Variants in AHRR observed in about 807,000 individuals in gnomAD.
The protein encoded by AHRR is aryl hydrocarbon receptor repressor, also known as ahR repressor.
Under a neutral mutation model 44.0 loss-of-function variants are expected in AHRR, and 28 were observed. The ratio of observed to expected loss-of-function variants is 0.64; its 90% CI spans 0.47 to 0.87. AHRR has a LOEUF of 0.87. AHRR is among the 40% of genes least tolerant of loss of function. AHRR has a pLI of 0.00. For missense variants in AHRR, 990 were observed against 953.9 expected, an observed-to-expected ratio of 1.04 and a Z score of -0.50; for synonymous variants, 434 against 407.0, an observed-to-expected ratio of 1.07 and a Z score of -0.80.
Position 388,598 on chromosome 5 carries a change from G to A in AHRR, c.351+11882G>A, listed in dbSNP as rs1734267596. Among the ~76,000 whole-genome samples the A allele has an allele frequency of 6.6e-6, 1 of 152,206 alleles. No homozygotes were observed. The highest frequency in any genetic ancestry group is 1.5e-5 in the Non-Finnish European group (1 of 68,032). The stretch of plus-strand genomic sequence containing the variant: ...CCTGAGCCGAGGCTGCTTCATGCCA[G>A]GCAGCCCTGAGGGGCCGAGCCGACT... On this transcript the variant is annotated intron_variant, in intron 4 of 10. Transcript: ENST00000684583. The surrounding 1 kb of genome is among the most constrained non-coding windows in gnomAD (Gnocchi z 5.2).
At chr5:433,578 T>C (rs1232924711) in intron 10 of AHRR, among the ~76,000 whole-genome samples, 1 of 152,222 alleles carries the variant, frequency 6.6e-6, no homozygotes, top group East Asian at 1.9e-4. Context: ...ACAGCTGGCA[T>C]AGGCCTCACA....
chr5:363,197 C>T (rs1306627681), intron 3 of AHRR, among the ~76,000 whole-genome samples: 2 of 152,200 alleles, frequency 1.3e-5, no homozygotes, highest in Non-Finnish European at 2.9e-5. Flanking sequence ...TTCCAACCCT[C>T]CAGTGGGAGG....
chr5:328,732 G>T (rs1741812214), intron 1 of AHRR, among the ~76,000 whole-genome samples: 1 of 151,976 alleles, frequency 6.6e-6, no homozygotes, highest in Non-Finnish European at 1.5e-5. Flanking sequence ...GGATCACTTG[G>T]GTTTTTTTGT....
chr5:325,550 C>A (rs551419597), intron 1 of AHRR, among the ~76,000 whole-genome samples: 1 of 152,112 alleles, frequency 6.6e-6, no homozygotes, highest in Non-Finnish European at 1.5e-5. Context: ...GGGCCAGACA[C>A]GTGACCATGA....
Position 432,504 on chromosome 5 carries a change from GA to G in AHRR, c.954del (p.Lys318AsnfsTer64). ...AGTCTGTGCGAATCGGAACTGCATGGAAAACCCAATTACTCAGCAGGTACTT... is the reference window on the plus strand; with the variant it reads ...AGTCTGTGCGAATCGGAACTGCATGGAAACCCAATTACTCAGCAGGTACTT... Reference protein sequence around the residue: ...TTSLCESELHGKPNYSAGRSS... With the variant: ...TTSLCESELHXKPNYSAGRSS... On this transcript the variant is annotated frameshift_variant, in exon 9 of 11. Coordinates refer to ENST00000684583, the MANE Select transcript of AHRR (RefSeq NM_001377236.1). 6.2e-7 allele frequency: 1 copy of G among 1,614,164 alleles called. No homozygotes were observed.
chr5:402,567 G>A (rs556454113), intron 4 of AHRR, among the ~76,000 whole-genome samples: 3 of 152,312 alleles, frequency 2.0e-5, no homozygotes, highest in South Asian at 2.1e-4. Flanking sequence ...CACTGTTGGC[G>A]GGAAGGTAGA....
chr5:420,569 G>A (rs1312105860), intron 5 of AHRR, among the ~76,000 whole-genome samples: 1 of 152,244 alleles, frequency 6.6e-6, no homozygotes, highest in African/African-American at 2.4e-5. Context: ...CATGATGGAA[G>A]TTTCCAGAAG....
At chr5:389,571 AG>A (rs1343080940) in intron 4 of AHRR, among the ~76,000 whole-genome samples, 1 of 151,962 alleles carries the variant, frequency 6.6e-6, no homozygotes, top group African/African-American at 2.4e-5. Flanking sequence ...GAAAAGCTCG[AG>A]GGGCTCTTCC....
rs1742228783 is a variant in AHRR, at chr5:338,813, C to G, written c.-10-5080C>G. 6.6e-6 allele frequency among the ~76,000 whole-genome samples: 1 copy of G among 152,216 alleles called. No individual in the cohort carries two copies. On this transcript the variant is annotated intron_variant, in intron 1 of 10. Transcript: ENST00000684583. The surrounding 1 kb of genome is among the most constrained non-coding windows in gnomAD (Gnocchi z 4.1). ...TTCTTGGGTCTGTAGGTTTACAATT[C>G]TCATTACATTTGGAAAAAATTTCTG...
chr5:430,831 A>G (rs1413223279), intron 8 of AHRR, among the ~76,000 whole-genome samples: 2 of 152,252 alleles, frequency 1.3e-5, no homozygotes, highest in African/African-American at 4.8e-5. Flanking sequence ...GCTGAGGCCC[A>G]CACATCTCTG....
At position 406,048 on chromosome 5, in the gene AHRR, C is replaced by T. The variant is rs1384974290; in HGVS notation, c.352-7296C>T. On this transcript the variant is annotated intron_variant, in intron 4 of 10. Transcript: ENST00000684583. This position sits in a 1 kb window ranked among gnomAD's most constrained non-coding sequence, Gnocchi z 4.7. ...ACAGATGTATGAAACGCTCTACAGC[C>T]ACCCGAAAAAGGTAGAAATTCTGCA... Among the ~76,000 whole-genome samples, 1 of 152,090 alleles carries T rather than the reference C, an allele frequency of 6.6e-6. No individual in the cohort carries two copies. Among genetic ancestry groups the T allele is most frequent in the Non-Finnish European group, 1.5e-5 (1 of 68,014 alleles).
chr5:351,773 G>T (rs1742866547), intron 2 of AHRR, among the ~76,000 whole-genome samples: 1 of 152,232 alleles, frequency 6.6e-6, no homozygotes, highest in African/African-American at 2.4e-5. Flanking sequence ...TGGGTTTGGC[G>T]CTGTCAGGCT....
At chr5:353,679 C>T in intron 2 of AHRR, 51 bp from the exon 3 acceptor site, 1 of 1,548,122 alleles carries the variant, frequency 6.5e-7, no homozygotes, top group Non-Finnish European at 8.7e-7. Context: ...CCCCAGGGGG[C>T]CTGTGGCTTC....
intron 4 of AHRR, among the ~76,000 whole-genome samples, chr5:390,887 G>C (rs374328895): frequency 6.6e-6 from 1 of 152,176 alleles, no homozygotes; most frequent in African/African-American, 2.4e-5. Flanking sequence ...ACGCACACCC[G>C]GGGGCAGGGT....
chr5:353,093 C>T (rs1335282477), intron 2 of AHRR, among the ~76,000 whole-genome samples: 2 of 152,138 alleles, frequency 1.3e-5, no homozygotes, highest in African/African-American at 4.8e-5. Context: ...AGCAGGCCTG[C>T]TCTGGCTTAT....
At position 436,822 on chromosome 5, in the gene AHRR, A is replaced by C. The variant is rs1052461744; in HGVS notation, c.*1988A>C. ...CCACCTGAGGGTCAGTCACCTGTGG[A>C]GAGCAGGCACCTGTGAAGACCAGGC... On this transcript the variant is annotated 3_prime_UTR_variant, in exon 11 of 11. Coordinates refer to ENST00000684583, the MANE Select transcript of AHRR (RefSeq NM_001377236.1). The C allele has an allele frequency of 2.6e-5, 4 of 152,416 alleles. No individual in the cohort carries two copies. The highest frequency in any genetic ancestry group is 9.6e-5 in the African/African-American group (4 of 41,454). The allele number at this position is 152,416 out of a possible 1,614,324, so 9.4% of individuals were successfully genotyped here. A position where few individuals can be genotyped will look rare whatever the true frequency, so the allele number is the denominator to read the frequency against.
chr5:344,443 CTG>C lies in AHRR; in HGVS notation c.62+486_62+487del, dbSNP rs1358722900. 9.4e-3 allele frequency among the ~76,000 whole-genome samples: 205 copies of C among 21,772 alleles called. 1 individual carries two copies. Among genetic ancestry groups the C allele is most frequent in the Non-Finnish European group, 0.012 (109 of 9,132 alleles). 14.3% of individuals were successfully genotyped at this position (21,772 alleles called of 152,430 possible). Reference sequence around the variant, plus strand: ...GCGGTATGTGTGAGGCTGTGGGGGGCTGTGTGTGGGGTGTGTGTGTGTGAGGC... The same window carrying C: ...GCGGTATGTGTGAGGCTGTGGGGGGCTGTGTGGGGTGTGTGTGTGTGAGGC... On this transcript the variant is annotated intron_variant, in intron 2 of 10. Coordinates refer to ENST00000684583, the MANE Select transcript of AHRR (RefSeq NM_001377236.1).
intron 2 of AHRR, among the ~76,000 whole-genome samples, chr5:344,750 TGTG>T (rs1185270559): frequency 5.2e-5 from 2 of 38,772 alleles, no homozygotes; most frequent in East Asian, 7.5e-4. Flanking sequence ...CGGGGGGAGC[TGTG>T]TGTGTGTGGG....
intron 3 of AHRR, among the ~76,000 whole-genome samples, chr5:361,065 A>G (rs571825859): frequency 2.6e-4 from 39 of 152,224 alleles, no homozygotes; most frequent in Admixed American, 4.6e-4. Flanking sequence ...CCTGGCCAAG[A>G]TGGTGAAACC....
Sources: gnomAD v4.1 joint callset for allele counts (sites outside exome capture counted in the v4.1 genomes callset) on GRCh38, gnomAD v4.1.1 for gene constraint, Gnocchi (gnomAD v3.1) non-coding constraint, MANE v1.5 for transcripts, NCBI Gene and HGNC (gene_info 2026-07-23, HGNC 2026-07-21) for gene names.